FIG4: variants seen among roughly 807,000 people sequenced by gnomAD.
FIG4 encodes the protein FIG4 phosphoinositide 5-phosphatase.
FIG4 carries 112 observed loss-of-function variants against 118.6 expected under a neutral mutation model. The ratio of observed to expected loss-of-function variants is 0.94; its 90% CI spans 0.81 to 1.11. FIG4 has a LOEUF of 1.11. Ranked by LOEUF, FIG4 falls within the 50% of genes least tolerant of loss-of-function variation. The pLI, the probability that FIG4 is intolerant of heterozygous loss-of-function variation, is 0.00. For missense variants in FIG4, 969 were observed against 1,111.7 expected, an observed-to-expected ratio of 0.87 and a Z score of 1.83; for synonymous variants, 369 against 381.2, an observed-to-expected ratio of 0.97 and a Z score of 0.37.
At position 109,796,831 on chromosome 6, in the gene FIG4, C is replaced by G; in HGVS notation, c.2526C>G (p.Cys842Trp). 2.5e-6 allele frequency: 4 copies of G among 1,603,396 alleles called. No individual in the cohort carries two copies. Among genetic ancestry groups the G allele is most frequent in the Non-Finnish European group, 3.4e-6 (4 of 1,170,222 alleles). The change falls in exon 22 of 23, where the codon TGC becomes TGG. Residue 842 changes from cysteine (C) to tryptophan (W), a missense_variant. By Grantham distance (215) the Cys-to-Trp change is radical. This residue lies in a region of FIG4 where 330 missense variants were observed against 348.1 expected (regional missense o/e 0.95). Transcript: ENST00000230124. ...ATAGCCAGCAGCCCTGTTCTAGGTG[C>G]TCAGATGGAGTTATAAAACTGTAAG... is the stretch of plus-strand genomic sequence containing the variant. ...DKNSQQPCSR[C>W]SDGVIKLTPI...
At chr6:109,736,787 A>G (rs774698417) in intron 6 of FIG4, among the ~76,000 whole-genome samples, 1 of 152,158 alleles carries the variant, frequency 6.6e-6, no homozygotes, top group Non-Finnish European at 1.5e-5. Context: ...TAAATGTATC[A>G]TCTTACAGAA....
intron 4 of FIG4, among the ~76,000 whole-genome samples, chr6:109,729,909 A>G (rs755754282): frequency 1.3e-4 from 20 of 152,186 alleles, no homozygotes; most frequent in Non-Finnish European, 2.6e-4. Flanking sequence ...AAATATAACA[A>G]AAGCTATCCA....
At chr6:109,794,991 T>G (rs1347506540) in intron 21 of FIG4, among the ~76,000 whole-genome samples, 1 of 152,116 alleles carries the variant, frequency 6.6e-6, no homozygotes, top group Non-Finnish European at 1.5e-5. Flanking sequence ...AGCCCCGCTG[T>G]CTATGTCTTC....
In FIG4 at chr6:109,786,371, T is replaced by A. The variant is rs774499394; in HGVS notation, c.2018T>A (p.Ile673Asn). The A allele has an allele frequency of 3.7e-6, 6 of 1,613,758 alleles. No homozygotes were observed. Among genetic ancestry groups the A allele is most frequent in the Admixed American group, 1.7e-5 (1 of 60,004 alleles). ...KFHKYEEEID[I>N]HNEFFRPYEL... ...CACAAATATGAAGAAGAGATTGATA[T>A]CCACAATGAGTTCTTTCGGCCATAT... Residue 673 changes from isoleucine to asparagine, a missense_variant, in exon 18 of 23, where the codon ATC (isoleucine) becomes AAC (asparagine). Ile to Asn is a moderately radical substitution (Grantham distance 149). Transcript: ENST00000230124.
intron 22 of FIG4, among the ~76,000 whole-genome samples, chr6:109,817,918 T>A (rs1201673409): frequency 6.6e-6 from 1 of 152,222 alleles, no homozygotes; most frequent in African/African-American, 2.4e-5. Context: ...AGAAAGTGAT[T>A]TATTATAGGA....
At chr6:109,768,242 T>C (rs547494624) in intron 15 of FIG4, among the ~76,000 whole-genome samples, 2 of 151,996 alleles carry the variant, frequency 1.3e-5, no homozygotes, top group East Asian at 3.9e-4. Flanking sequence ...ATCCAGGAGG[T>C]AAACACTGGA....
chr6:109,756,384 T>A, intron 10 of FIG4, among the ~76,000 whole-genome samples: 1 of 152,086 alleles, frequency 6.6e-6, no homozygotes, highest in East Asian at 1.9e-4. Flanking sequence ...TTCCTTCATT[T>A]CAACTTTGGT....
intron 8 of FIG4, among the ~76,000 whole-genome samples, chr6:109,742,204 C>T (rs1353392522): frequency 6.6e-6 from 1 of 151,932 alleles, no homozygotes; most frequent in Non-Finnish European, 1.5e-5. Context: ...AAAGCACCTC[C>T]ACCCAAGTAG....
chr6:109,802,970 C>T (rs563396443), intron 22 of FIG4, among the ~76,000 whole-genome samples: 6 of 152,242 alleles, frequency 3.9e-5, no homozygotes, highest in African/African-American at 1.2e-4. Flanking sequence ...AAGCATATCA[C>T]GAACGAGAGC....
chr6:109,754,607 A>C (rs1776821755), intron 10 of FIG4, among the ~76,000 whole-genome samples: 1 of 152,094 alleles, frequency 6.6e-6, no homozygotes, highest in Admixed American at 6.6e-5. Context: ...GATTATTGCC[A>C]CAATTTCAGA....
At chr6:109,790,509 T>A (rs1442693952) in intron 19 of FIG4, among the ~76,000 whole-genome samples, 1 of 152,196 alleles carries the variant, frequency 6.6e-6, no homozygotes, top group Non-Finnish European at 1.5e-5. Context: ...TATATTAGTG[T>A]GTGTCACAGA....
rs769748675 is a variant in FIG4, at chr6:109,763,988, C to T, written c.1434+6C>T. ...TTCCCACTGGTCGCCTGCAGGTATA[C>T]ACAGTATTACAATTCGTAATGAATA... On this transcript the variant is annotated splice_donor_region_variant and intron_variant, in intron 13 of 22. Coordinates refer to ENST00000230124, the MANE Select transcript of FIG4 (RefSeq NM_014845.6). 6.4e-7 allele frequency: 1 copy of T among 1,570,154 alleles called. No individual in the cohort carries two copies. Among genetic ancestry groups the T allele is most frequent in the Non-Finnish European group, 8.8e-7 (1 of 1,139,832 alleles).
At chr6:109,742,430 G>A (rs1045166294) in intron 8 of FIG4, among the ~76,000 whole-genome samples, 3 of 152,088 alleles carry the variant, frequency 2.0e-5, no homozygotes, top group Non-Finnish European at 4.4e-5. Context: ...CTTGAGTTTT[G>A]AGTGGATGTG....
intron 1 of FIG4, among the ~76,000 whole-genome samples, chr6:109,700,242 A>G (rs1535419): frequency 0.028 from 4,215 of 152,328 alleles, 97 homozygotes; most frequent in East Asian, 0.11. Flanking sequence ...ATTTAAAACT[A>G]TCAATGTAAA....
At chr6:109,758,708 A>G (rs1777001389) in intron 10 of FIG4, among the ~76,000 whole-genome samples, 1 of 152,220 alleles carries the variant, frequency 6.6e-6, no homozygotes, top group African/African-American at 2.4e-5. Context: ...CAATCTCTCC[A>G]TCTCACAAAG....
chr6:109,752,108 G>A (rs910138903), intron 10 of FIG4, among the ~76,000 whole-genome samples: 41 of 150,678 alleles, frequency 2.7e-4, no homozygotes, highest in African/African-American at 5.1e-4. Context: ...TTGTTCTTGC[G>A]ATAGTTTACT....
At chr6:109,749,564 A>G (rs2025147) in intron 10 of FIG4, among the ~76,000 whole-genome samples, 48,985 of 140,786 alleles carry the variant, frequency 0.35, 8,481 homozygotes, top group Middle Eastern at 0.49. Context: ...TAGTGGATTT[A>G]GACAGAGCAC....
At chr6:109,775,166 A>G (rs1019976528) in intron 15 of FIG4, among the ~76,000 whole-genome samples, 1 of 152,174 alleles carries the variant, frequency 6.6e-6, no homozygotes, top group Admixed American at 6.5e-5. Context: ...AGAGCCTACC[A>G]GTTTTAAACC....
chr6:109,746,053 AC>A (rs1776486937), intron 10 of FIG4, among the ~76,000 whole-genome samples: 1 of 152,152 alleles, frequency 6.6e-6, no homozygotes, highest in Non-Finnish European at 1.5e-5. Context: ...AGATATATAG[AC>A]CAATGGAACA....
Sources: gnomAD v4.1 joint callset for allele counts (sites outside exome capture counted in the v4.1 genomes callset) on GRCh38, gnomAD v4.1.1 for gene constraint, gnomAD v4.1.1 regional missense constraint, MANE v1.5 for transcripts, NCBI Gene and HGNC (gene_info 2026-07-23, HGNC 2026-07-21) for gene names.